The following ADAMTS12 variants were observed in gnomAD, a reference collection of about 807,000 sequenced individuals.
ADAMTS12 encodes A disintegrin and metalloproteinase with thrombospondin motifs 12.
Under a neutral mutation model 167.8 loss-of-function variants are expected in ADAMTS12, and 118 were observed. That is an observed-to-expected ratio of 0.70 (90% confidence interval 0.61 to 0.82). ADAMTS12 has a LOEUF of 0.82. ADAMTS12 is among the 40% of genes least tolerant of loss of function. The probability of loss-of-function intolerance (pLI) is 0.00; values close to 1 mark genes in which losing one functional copy is unlikely to be tolerated. For synonymous variants in ADAMTS12, 704 were observed against 716.9 expected (o/e 0.98, Z 0.29); for missense variants, 1,916 against 1,998.8 (o/e 0.96, Z 0.79).
At chr5:33,824,790 T>C (rs1747995776) in intron 2 of ADAMTS12, among the ~76,000 whole-genome samples, 1 of 152,180 alleles carries the variant, frequency 6.6e-6, no homozygotes, top group African/African-American at 2.4e-5. Flanking sequence ...CATCCCTTGC[T>C]CTGTAAAGTT....
At chr5:33,529,502 A>G (rs1743990322) in intron 23 of ADAMTS12, among the ~76,000 whole-genome samples, 1 of 152,176 alleles carries the variant, frequency 6.6e-6, no homozygotes, top group African/African-American at 2.4e-5. Context: ...GTTCTGAAGA[A>G]AAGCACTTTC....
At chr5:33,728,677 C>A (rs1045549020) in intron 3 of ADAMTS12, among the ~76,000 whole-genome samples, 1 of 152,216 alleles carries the variant, frequency 6.6e-6, no homozygotes, top group African/African-American at 2.4e-5. Flanking sequence ...AACACCTTAG[C>A]ACCCCAGCCT....
intron 16 of ADAMTS12, among the ~76,000 whole-genome samples, chr5:33,600,004 C>G (rs1299614810): frequency 2.0e-5 from 3 of 152,074 alleles, no homozygotes; most frequent in African/African-American, 7.2e-5. Flanking sequence ...CTATTTTTTC[C>G]CTTTCTCTTC....
At chr5:33,580,545 C>T (rs191604355) in intron 18 of ADAMTS12, among the ~76,000 whole-genome samples, 11 of 152,314 alleles carry the variant, frequency 7.2e-5, no homozygotes, top group Admixed American at 6.5e-4. Context: ...CAGACCATTT[C>T]AGCTACCTAG....
In ADAMTS12 at chr5:33,546,062, G is replaced by A. The variant is rs1187533242; in HGVS notation, c.4443C>T (p.Asp1481=). The A allele has an allele frequency of 1.2e-6, 2 of 1,610,346 alleles. No individual in the cohort carries two copies. Among genetic ancestry groups the A allele is most frequent in the Non-Finnish European group, 1.7e-6 (2 of 1,178,956 alleles). The change falls in exon 22 of 24, where the codon GAC becomes GAT. Residue 1481 remains aspartate (D), a synonymous_variant. Transcript: ENST00000504830. ...LCCHWATGNW[D]LCSTSCGGGF... ...AGTATGTATAACCAAGTCTTACCAG[G>A]TCCCAGTTCCCAGTGGCCCAGTGAC...
Position 33,576,667 on chromosome 5 carries a change from A to T in ADAMTS12, c.3359T>A (p.Val1120Glu). 1.9e-6 allele frequency: 3 copies of T among 1,614,224 alleles called. No homozygotes were observed. Among genetic ancestry groups the T allele is most frequent in the Non-Finnish European group, 1.7e-6 (2 of 1,180,026 alleles). Reference sequence around the variant, plus strand: ...GCCAGAACCACTTGTTGTTGTAGCTACAAGGCCTCCCTCCGAGGTAGGACC... The same window carrying T: ...GCCAGAACCACTTGTTGTTGTAGCTTCAAGGCCTCCCTCCGAGGTAGGACC... ...DTGPTSEGGL[V>E]ATTTSGSGLS... Residue 1120 changes from valine (V) to glutamate (E), a missense_variant, in exon 19 of 24, where the codon GTA (valine) becomes GAA (glutamate). Transcript: ENST00000504830.
intron 2 of ADAMTS12, among the ~76,000 whole-genome samples, chr5:33,852,648 G>A (rs1037955530): frequency 6.6e-6 from 1 of 152,214 alleles, no homozygotes; most frequent in Non-Finnish European, 1.5e-5. Context: ...CTGCAAGTTA[G>A]AGAAACGGTC....
chr5:33,693,764 A>C (rs1742639808), intron 3 of ADAMTS12, among the ~76,000 whole-genome samples: 1 of 152,208 alleles, frequency 6.6e-6, no homozygotes, highest in Non-Finnish European at 1.5e-5. Flanking sequence ...GAAGAAGATA[A>C]GGACGCTCAC....
At chr5:33,574,227 C>T (rs553956338) in intron 19 of ADAMTS12, among the ~76,000 whole-genome samples, 1 of 152,024 alleles carries the variant, frequency 6.6e-6, no homozygotes, top group African/African-American at 2.4e-5. Context: ...TACCATTTGA[C>T]CCAGCAATCC....
chr5:33,642,680 C>T lies in ADAMTS12; in HGVS notation c.1572+698G>A, dbSNP rs116177730. Among the ~76,000 whole-genome samples, 816 of 152,198 alleles carry T rather than the reference C, an allele frequency of 5.4e-3. 2 individuals carry two copies. The highest frequency in any genetic ancestry group is 0.019 in the African/African-American group (782 of 41,522). On this transcript the variant is annotated intron_variant, in intron 10 of 23. Transcript: ENST00000504830. ...ACAAAGGGAAATGCTATGTGGTTGTCGTGAATAACCACATTTCCTGGAGGA... is the reference window on the plus strand; with the variant it reads ...ACAAAGGGAAATGCTATGTGGTTGTTGTGAATAACCACATTTCCTGGAGGA...
chr5:33,891,746 G>C lies in ADAMTS12; in HGVS notation c.111C>G (p.Phe37Leu). The C allele has an allele frequency of 1.2e-6, 2 of 1,614,194 alleles. No individual in the cohort carries two copies. Among genetic ancestry groups the C allele is most frequent in the South Asian group, 2.2e-5 (2 of 91,078 alleles). The stretch of plus-strand genomic sequence containing the variant: ...GTCACTAACCTTGCCTCCTGTCCGG[G>C]AAGCGAACCGGGCCTGGCTGAGGCT... The part of the protein sequence containing the change: ...GRQPQPGPVR[F>L]PDRRQEHFIK... The change falls in exon 1 of 24, where the codon TTC becomes TTG. Residue 37 changes from phenylalanine to leucine, a missense_variant. Physicochemically the swap from Phe to Leu is conservative, Grantham distance 22 (BLOSUM62 0). Coordinates refer to ENST00000504830, the MANE Select transcript of ADAMTS12 (RefSeq NM_030955.4).
At chr5:33,569,287 G>C (rs1746180712) in intron 19 of ADAMTS12, among the ~76,000 whole-genome samples, 1 of 152,258 alleles carries the variant, frequency 6.6e-6, no homozygotes, top group Non-Finnish European at 1.5e-5. Context: ...CGGGCAGACT[G>C]CCTCCTCAAG....
intron 2 of ADAMTS12, among the ~76,000 whole-genome samples, chr5:33,830,711 G>C (rs931843170): frequency 3.9e-5 from 6 of 152,082 alleles, no homozygotes; most frequent in African/African-American, 1.4e-4. Context: ...AGTGCTGTTT[G>C]AGCCCAGGAG....
intron 16 of ADAMTS12, among the ~76,000 whole-genome samples, chr5:33,613,086 G>C (rs1738808975): frequency 2.6e-5 from 4 of 152,266 alleles, no homozygotes; most frequent in Middle Eastern, 6.8e-3. Flanking sequence ...TGGGAGAGTA[G>C]GCCATGGTCT....
chr5:33,623,563 A>C (rs931796231), intron 14 of ADAMTS12, among the ~76,000 whole-genome samples: 2 of 152,204 alleles, frequency 1.3e-5, no homozygotes, highest in African/African-American at 4.8e-5. Context: ...CCAAAGCTGC[A>C]CAGAGAAGAA....
intron 2 of ADAMTS12, among the ~76,000 whole-genome samples, chr5:33,851,112 A>C (rs1579992055): frequency 6.6e-6 from 1 of 152,198 alleles, no homozygotes; most frequent in Non-Finnish European, 1.5e-5. Flanking sequence ...GGACTAAGCT[A>C]GCAATAAAAA....
chr5:33,730,150 T>A (rs1242437829), intron 3 of ADAMTS12, among the ~76,000 whole-genome samples: 2 of 152,206 alleles, frequency 1.3e-5, no homozygotes, highest in African/African-American at 4.8e-5. Flanking sequence ...AGATCAAATA[T>A]GAAATCTGAA....
chr5:33,834,919 A>C (rs1421162896), intron 2 of ADAMTS12, among the ~76,000 whole-genome samples: 1 of 152,206 alleles, frequency 6.6e-6, no homozygotes, highest in Non-Finnish European at 1.5e-5. Flanking sequence ...AGAATGGTGG[A>C]GTCCCAATGG....
At chr5:33,811,609 G>C (rs1216545909) in intron 2 of ADAMTS12, among the ~76,000 whole-genome samples, 1 of 152,206 alleles carries the variant, frequency 6.6e-6, no homozygotes, top group Non-Finnish European at 1.5e-5. Context: ...AAGGAGACTA[G>C]AGAGAAAATG....
Sources: allele counts gnomAD v4.1 joint callset (sites outside exome capture counted in the v4.1 genomes callset), GRCh38; gene constraint gnomAD v4.1.1; transcripts MANE v1.5; gene names NCBI Gene and HGNC (gene_info 2026-07-23, HGNC 2026-07-21).